The following VSTM5 variants were observed in gnomAD, a reference collection of about 807,000 sequenced individuals.
VSTM5 encodes the protein V-set and transmembrane domain containing 5, also known as V-set and transmembrane domain-containing protein 5.
A neutral mutation model predicts 20.3 loss-of-function variants in VSTM5; 21 were observed. The observed-to-expected ratio is 1.03, with a 90% confidence interval of 0.73 to 1.49. The LOEUF (loss-of-function observed/expected upper bound fraction) is 1.49. Ranked by LOEUF, VSTM5 falls within the 40% of genes most tolerant of loss-of-function variation. VSTM5 has a pLI of 0.00. For synonymous variants in VSTM5, 100 were observed against 102.5 expected (o/e 0.98, Z 0.14); for missense variants, 219 against 250.0 (o/e 0.88, Z 0.84).
At chr11:93,822,380 C>T (rs1944194829) in intron 1 of VSTM5, among the ~76,000 whole-genome samples, 2 of 151,834 alleles carry the variant, frequency 1.3e-5, no homozygotes, top group South Asian at 4.1e-4. Flanking sequence ...GTGCACCCAG[C>T]CATCTCCTTT....
chr11:93,847,225 C>A (rs548877227), intron 1 of VSTM5, among the ~76,000 whole-genome samples: 2 of 152,294 alleles, frequency 1.3e-5, no homozygotes, highest in African/African-American at 4.8e-5. Flanking sequence ...GCACGGCCCA[C>A]GGCAACATAG....
intron 1 of VSTM5, among the ~76,000 whole-genome samples, chr11:93,847,732 G>T (rs1364970375): frequency 1.3e-5 from 2 of 152,244 alleles, no homozygotes; most frequent in African/African-American, 4.8e-5. Context: ...GTCTGGTGGG[G>T]AGGCCTGCCA....
chr11:93,829,067 A>C (rs1944260501), intron 1 of VSTM5, among the ~76,000 whole-genome samples: 1 of 152,116 alleles, frequency 6.6e-6, no homozygotes, highest in African/African-American at 2.4e-5. Context: ...ATGACACAGA[A>C]CTTTGTGTTC....
In VSTM5 at chr11:93,845,043, G is replaced by C. The variant is rs1944403185; in HGVS notation, c.91+5369C>G. On this transcript the variant is annotated intron_variant, in intron 1 of 3. Coordinates refer to ENST00000409977, the MANE Select transcript of VSTM5 (RefSeq NM_001144871.2). ...ACGTTGGGTGTTCTGAGAACAGCAGGAGGGAGATGTGCTGAACCAGCTGTT... is the reference window on the plus strand; with the variant it reads ...ACGTTGGGTGTTCTGAGAACAGCAGCAGGGAGATGTGCTGAACCAGCTGTT... Among the ~76,000 whole-genome samples the C allele has an allele frequency of 3.0e-5, 2 of 66,696 alleles. 1 individual carries two copies. The highest frequency in any genetic ancestry group is 1.3e-3 in the South Asian group (2 of 1,532). The allele number at this position is 66,696 out of a possible 152,430, so 43.8% of individuals were successfully genotyped here.
At chr11:93,836,281 C>T (rs1267611953) in intron 1 of VSTM5, among the ~76,000 whole-genome samples, 1 of 152,270 alleles carries the variant, frequency 6.6e-6, no homozygotes, top group Non-Finnish European at 1.5e-5. Flanking sequence ...GTCTACACAG[C>T]ATCCTGAGTG....
rs59156403 is a variant in VSTM5, at chr11:93,834,782, C to CAAA, written c.92-13462_92-13460dup. Reference sequence around the variant, plus strand: ...TGGGCGACAGAGTGAGACTCCGTCTCAAAAAAAAAAAAAAAAAAAAATTTA... The same window carrying CAAA: ...TGGGCGACAGAGTGAGACTCCGTCTCAAAAAAAAAAAAAAAAAAAAAAAATTTA... On this transcript the variant is annotated intron_variant, in intron 1 of 3. Coordinates refer to ENST00000409977, the MANE Select transcript of VSTM5 (RefSeq NM_001144871.2). 4.6e-3 allele frequency among the ~76,000 whole-genome samples: 271 copies of CAAA among 59,250 alleles called. 3 individuals are homozygous for CAAA. The East Asian group carries it at 0.07, about 15-fold the overall frequency. The allele number at this position is 59,250 out of a possible 152,430, so 38.9% of individuals were successfully genotyped here. A position where few individuals can be genotyped will look rare whatever the true frequency, so the allele number is the denominator to read the frequency against.
At chr11:93,845,641 A>G (rs1280767090) in intron 1 of VSTM5, among the ~76,000 whole-genome samples, 5 of 152,142 alleles carry the variant, frequency 3.3e-5, no homozygotes, top group Non-Finnish European at 5.9e-5. Flanking sequence ...TTTTCCAGGG[A>G]AAATCCAGGT....
chr11:93,842,097 G>C (rs1944374872), intron 1 of VSTM5, among the ~76,000 whole-genome samples: 1 of 152,212 alleles, frequency 6.6e-6, no homozygotes, highest in Non-Finnish European at 1.5e-5. Context: ...TATATGTAAA[G>C]AGCTTATCAG....
chr11:93,834,998 C>T (rs1483717335), intron 1 of VSTM5, among the ~76,000 whole-genome samples: 1 of 152,044 alleles, frequency 6.6e-6, no homozygotes, highest in East Asian at 1.9e-4. Flanking sequence ...GCCAGTTTGG[C>T]TCTCAATGAG....
intron 1 of VSTM5, among the ~76,000 whole-genome samples, chr11:93,833,303 G>C (rs1944296855): frequency 6.6e-6 from 1 of 152,196 alleles, no homozygotes; most frequent in Admixed American, 6.5e-5. Context: ...ACATGGATGG[G>C]CATGGTGGCT....
At chr11:93,838,341 G>A (rs934546388) in intron 1 of VSTM5, among the ~76,000 whole-genome samples, 1 of 151,988 alleles carries the variant, frequency 6.6e-6, no homozygotes, top group Non-Finnish European at 1.5e-5. Context: ...GGCGTGGTTG[G>A]GGCAACTGTA....
intron 1 of VSTM5, among the ~76,000 whole-genome samples, chr11:93,830,400 G>A (rs1944272180): frequency 2.0e-5 from 3 of 152,230 alleles, no homozygotes; most frequent in Admixed American, 2.0e-4. Context: ...CAGCCTCTGA[G>A]AGAAGGGGTA....
rs190705371 is a variant in VSTM5 at position 93,847,777 on chromosome 11, C to T, written c.91+2635G>A. ...GCCCATAAGTCCTTGTCCTAGTCAG[C>T]TTGGGCTGCTGTAACAGATGACCAT... On this transcript the variant is annotated intron_variant, in intron 1 of 3. Transcript: ENST00000409977. Among the ~76,000 whole-genome samples the T allele has an allele frequency of 2.7e-3, 413 of 152,318 alleles. 9 individuals are homozygous for T. Among genetic ancestry groups the T allele is most frequent in the Non-Finnish European group, 7.3e-4 (50 of 68,028 alleles).
chr11:93,839,051 C>T (rs1944347423), intron 1 of VSTM5, among the ~76,000 whole-genome samples: 2 of 152,238 alleles, frequency 1.3e-5, no homozygotes, highest in South Asian at 4.1e-4. Context: ...CCAGGCTCTT[C>T]TTACAGCCCG....
At chr11:93,834,418 A>G (rs1020124637) in intron 1 of VSTM5, among the ~76,000 whole-genome samples, 3 of 152,046 alleles carry the variant, frequency 2.0e-5, no homozygotes, top group African/African-American at 7.2e-5. Flanking sequence ...GCTTCTCAGT[A>G]TCTTTTGAGG....
At chr11:93,825,795 GTC>G (rs1208895741) in intron 1 of VSTM5, among the ~76,000 whole-genome samples, 1 of 149,070 alleles carries the variant, frequency 6.7e-6, no homozygotes, top group Non-Finnish European at 1.5e-5. Flanking sequence ...TTGAGATACA[GTC>G]TCACTTTATC....
At chr11:93,839,140 A>C (rs1466191902) in intron 1 of VSTM5, among the ~76,000 whole-genome samples, 1 of 152,248 alleles carries the variant, frequency 6.6e-6, no homozygotes, top group Non-Finnish European at 1.5e-5. Flanking sequence ...TGGGCCAATC[A>C]GATTCTCTGT....
chr11:93,846,776 T>TG (rs1424572038), intron 1 of VSTM5, among the ~76,000 whole-genome samples: 24 of 100,132 alleles, frequency 2.4e-4, no homozygotes, highest in African/African-American at 1.1e-3. Flanking sequence ...ATTTTTTTTT[T>TG]TTTTTTTTTG....
intron 1 of VSTM5, among the ~76,000 whole-genome samples, chr11:93,834,712 G>A (rs1944309605): frequency 6.7e-6 from 1 of 149,136 alleles, no homozygotes; most frequent in South Asian, 2.1e-4. Flanking sequence ...GAAGCCAGGA[G>A]GTAGAGGTTG....
Sources: allele counts gnomAD v4.1 joint callset (sites outside exome capture counted in the v4.1 genomes callset), GRCh38; gene constraint gnomAD v4.1.1; transcripts MANE v1.5; gene names NCBI Gene and HGNC (gene_info 2026-07-23, HGNC 2026-07-21).